FASTKD5: variants seen among roughly 807,000 people sequenced by gnomAD.
FASTKD5 encodes the protein non-canonical pre-mRNAs endonuclease FASTKD5, mitochondrial.
In FASTKD5, 30 loss-of-function variants were observed where a neutral mutation model predicts 44.0. The observed-to-expected ratio is 0.68, with a 90% CI of 0.51 to 0.93. FASTKD5 has a LOEUF of 0.93. Among genes scored for constraint, FASTKD5 ranks in the 40% least tolerant of loss-of-function variants. The pLI is 0.00. For missense variants in FASTKD5, 868 were observed against 908.2 expected, an observed-to-expected ratio of 0.96 and a Z score of 0.57; for synonymous variants, 335 against 342.2, an observed-to-expected ratio of 0.98 and a Z score of 0.23.
At position 3,148,509 on chromosome 20, in the gene FASTKD5, C is replaced by G; in HGVS notation, c.562G>C (p.Ala188Pro). ...TTCACACTCAGCTGGCAGAGCAGAG[C>G]AAAGCTGGTACTGCCCAGCAAGACA... is the stretch of plus-strand genomic sequence containing the variant. ...HPVLLGSTSFALLCQLSVKKI... is the reference protein window; with the variant it reads ...HPVLLGSTSFPLLCQLSVKKI... The change falls in exon 2 of 2, where the codon GCT becomes CCT. Residue 188 changes from alanine to proline, a missense_variant. Coordinates refer to ENST00000380266, the MANE Select transcript of FASTKD5 (RefSeq NM_021826.5). 6.2e-7 allele frequency: 1 copy of G among 1,614,146 alleles called. No individual in the cohort carries two copies. Among genetic ancestry groups the G allele is most frequent in the South Asian group, 1.1e-5 (1 of 91,086 alleles).
chr20:3,159,518 A>T (rs919036569), intron 1 of FASTKD5, among the ~76,000 whole-genome samples: 6 of 152,262 alleles, frequency 3.9e-5, no homozygotes, highest in African/African-American at 1.2e-4. Flanking sequence ...CACAGAGGAA[A>T]AAAAATCAAG....
intron 1 of FASTKD5, among the ~76,000 whole-genome samples, chr20:3,157,965 C>T (rs1005820905): frequency 4.6e-5 from 7 of 152,020 alleles, no homozygotes; most frequent in South Asian, 2.1e-4. Context: ...GTGCAATCTC[C>T]GCTCACTGCA....
chr20:3,151,417 G>A (rs1255689056), intron 1 of FASTKD5, among the ~76,000 whole-genome samples: 3 of 152,152 alleles, frequency 2.0e-5, no homozygotes, highest in African/African-American at 7.2e-5. Flanking sequence ...GGCCTGCAAA[G>A]CATATTTAGT....
chr20:3,147,602 A>G lies in FASTKD5; in HGVS notation c.1469T>C (p.Ile490Thr). The G allele has an allele frequency of 6.2e-7, 1 of 1,614,172 alleles. No individual in the cohort carries two copies. Among genetic ancestry groups the G allele is most frequent in the East Asian group, 2.2e-5 (1 of 44,884 alleles). ...AAACCCTGGACTGAGAGCGAAATCA[A>G]TTAACTCTACTGGAAAGTACTCCAA... ...AFLEYFPVEL[I>T]DFALSPGFVR... The change falls in exon 2 of 2, where the codon ATT becomes ACT. Residue 490 changes from isoleucine to threonine, a missense_variant. By Grantham distance (89) the Ile-to-Thr change is moderately conservative. Transcript: ENST00000380266.
intron 1 of FASTKD5, among the ~76,000 whole-genome samples, chr20:3,159,105 C>CGGTTT: frequency 6.6e-6 from 1 of 152,182 alleles, no homozygotes; most frequent in East Asian, 1.9e-4. Flanking sequence ...AGCTGTGTCA[C>CGGTTT]GGTTTGCACA....
At chr20:3,152,651 T>C (rs1195085886) in intron 1 of FASTKD5, among the ~76,000 whole-genome samples, 2 of 152,162 alleles carry the variant, frequency 1.3e-5, no homozygotes, top group Non-Finnish European at 2.9e-5. Context: ...CTCACACCTA[T>C]AATCCCAGCA....
chr20:3,149,681 C>T lies in FASTKD5; in HGVS notation c.-190-421G>A, dbSNP rs538266217. 1.3e-5 allele frequency among the ~76,000 whole-genome samples: 2 copies of T among 152,320 alleles called. No homozygotes were observed. The highest frequency in any genetic ancestry group is 3.9e-4 in the East Asian group (2 of 5,188). Reference sequence around the variant, plus strand: ...ACCTGAAGAATGTTTATAAAAACTGCTATGCTAACAGCACTAAGTAAAAAG... The same window carrying T: ...ACCTGAAGAATGTTTATAAAAACTGTTATGCTAACAGCACTAAGTAAAAAG... On this transcript the variant is annotated intron_variant, in intron 1 of 1. Transcript: ENST00000380266. This position sits in a 1 kb window ranked among gnomAD's most constrained non-coding sequence, Gnocchi z 4.1.
chr20:3,157,272 G>C (rs1207543790), intron 1 of FASTKD5, among the ~76,000 whole-genome samples: 1 of 152,206 alleles, frequency 6.6e-6, no homozygotes, highest in Non-Finnish European at 1.5e-5. Context: ...CCACACGGGA[G>C]CAGGGCCTCA....
chr20:3,148,380 T>G lies in FASTKD5; in HGVS notation c.691A>C (p.Lys231Gln). 2 of 1,614,160 alleles carry G rather than the reference T, an allele frequency of 1.2e-6. No homozygotes were observed. The highest frequency in any genetic ancestry group is 8.5e-7 in the Non-Finnish European group (1 of 1,180,022). ...SHSMLDVYET[K>Q]CCHQVWEMNM... Reference sequence around the variant, plus strand: ...ATCTCCCATACCTGATGGCAACACTTGGTCTCATACACATCTAGCATTGAA... The same window carrying G: ...ATCTCCCATACCTGATGGCAACACTGGGTCTCATACACATCTAGCATTGAA... Residue 231 changes from lysine (K) to glutamine (Q), a missense_variant, in exon 2 of 2, where the codon AAG (lysine) becomes CAG (glutamine). By Grantham distance (53) the Lys-to-Gln change is moderately conservative. Coordinates refer to ENST00000380266, the MANE Select transcript of FASTKD5 (RefSeq NM_021826.5).
rs139011717 is a variant in FASTKD5 at position 3,147,584 on chromosome 20, G to A, written c.1487C>T (p.Pro496Leu). 7.3e-5 allele frequency: 118 copies of A among 1,614,110 alleles called. No individual in the cohort carries two copies. The African/African-American group carries it at 1.5e-3, about 21-fold the overall frequency. Residue 496 changes from proline (P) to leucine (L), a missense_variant, in exon 2 of 2, where the codon CCA becomes CTA. Pro to Leu is a moderately conservative substitution (Grantham distance 98). Transcript: ENST00000380266. ...CTCCTGAGCTAACCTGACAAACCCT[G>A]GACTGAGAGCGAAATCAATTAACTC... ...PVELIDFALS[P>L]GFVRLAQERT...
chr20:3,156,851 C>A (rs1173835821), intron 1 of FASTKD5: 1 of 152,120 alleles, frequency 6.6e-6, no homozygotes, highest in African/African-American at 2.4e-5. Context: ...AGATCTGATC[C>A]CTCAATTCTA....
chr20:3,157,933 T>C (rs2066704812), intron 1 of FASTKD5, among the ~76,000 whole-genome samples: 1 of 150,862 alleles, frequency 6.6e-6, no homozygotes, highest in Non-Finnish European at 1.5e-5. Context: ...TCTCGCTCTG[T>C]TGTTCAGTCT....
At chr20:3,158,536 C>G (rs1046968743) in intron 1 of FASTKD5, among the ~76,000 whole-genome samples, 1 of 152,136 alleles carries the variant, frequency 6.6e-6, no homozygotes, top group African/African-American at 2.4e-5. Flanking sequence ...TGCAGTGGCG[C>G]GATCTCGGCT....
At chr20:3,156,385 G>A (rs2066685971) in intron 1 of FASTKD5, among the ~76,000 whole-genome samples, 1 of 151,966 alleles carries the variant, frequency 6.6e-6, no homozygotes, top group Admixed American at 6.6e-5. Context: ...TGCCATGTTG[G>A]TCAGGCTGGT....
intron 1 of FASTKD5, among the ~76,000 whole-genome samples, chr20:3,158,580 C>T (rs375707042): frequency 2.5e-4 from 38 of 152,234 alleles, no homozygotes; most frequent in African/African-American, 8.2e-4. Context: ...GTTCACGCCA[C>T]GCTCCTGCCT....
In FASTKD5 at chr20:3,149,297, C is replaced by A. The variant is rs1018163458; in HGVS notation, c.-190-37G>T. 3 of 535,076 alleles carry A rather than the reference C, an allele frequency of 5.6e-6. No homozygotes were observed. Among genetic ancestry groups the A allele is most frequent in the Non-Finnish European group, 1.0e-5 (3 of 300,458 alleles). The allele number at this position is 535,076 out of a possible 1,614,324, so 33.1% of individuals were successfully genotyped here. A position where few individuals can be genotyped will look rare whatever the true frequency, so the allele number is the denominator to read the frequency against. On this transcript the variant is annotated intron_variant, in intron 1 of 1. Coordinates refer to ENST00000380266, the MANE Select transcript of FASTKD5 (RefSeq NM_021826.5). The surrounding 1 kb of genome is among the most constrained non-coding windows in gnomAD (Gnocchi z 4.1). ...GTAGATGAAGAATGAGTGGCTTCTA[C>A]CTATAAAAGCATCCAAATTTACACA...
chr20:3,158,497 G>A (rs764645469), intron 1 of FASTKD5, among the ~76,000 whole-genome samples: 46 of 152,018 alleles, frequency 3.0e-4, no homozygotes, highest in Non-Finnish European at 5.9e-4. Context: ...TATTTGAGAC[G>A]GACTCTCGCT....
intron 1 of FASTKD5, among the ~76,000 whole-genome samples, chr20:3,152,441 G>T (rs571491026): frequency 2.0e-5 from 3 of 152,218 alleles, no homozygotes. Context: ...GGCAGAGGTT[G>T]CAGTGAGCTG....
intron 1 of FASTKD5, among the ~76,000 whole-genome samples, chr20:3,156,250 A>G (rs2066684047): frequency 6.9e-6 from 1 of 145,272 alleles, no homozygotes; most frequent in African/African-American, 2.6e-5. Flanking sequence ...ATCTCAGCTC[A>G]CTGCAACCTC....
Sources: gnomAD v4.1 joint callset for allele counts (sites outside exome capture counted in the v4.1 genomes callset) on GRCh38, gnomAD v4.1.1 for gene constraint, Gnocchi (gnomAD v3.1) non-coding constraint, MANE v1.5 for transcripts, NCBI Gene and HGNC (gene_info 2026-07-23, HGNC 2026-07-21) for gene names.